TRPM3: variants seen among roughly 807,000 people sequenced by gnomAD.
TRPM3 encodes the protein long transient receptor potential channel 3.
TRPM3 carries 77 observed loss-of-function variants against 181.2 expected under a neutral mutation model. The observed-to-expected ratio is 0.42, with a 90% confidence interval of 0.35 to 0.51. TRPM3 has a LOEUF of 0.51. TRPM3 is among the 20% of genes least tolerant of loss of function. The pLI is 0.01. For missense variants in TRPM3, 1,759 were observed against 2,196.7 expected (o/e 0.80, Z 3.98); for synonymous variants, 745 against 796.4 (o/e 0.94, Z 1.09).
chr9:71,308,105 G>A (rs1171619155), intron 1 of TRPM3, among the ~76,000 whole-genome samples: 1 of 151,552 alleles, frequency 6.6e-6, no homozygotes, highest in Non-Finnish European at 1.5e-5. Context: ...CAAGCAGCTG[G>A]GATTACAGGC....
intron 6 of TRPM3, among the ~76,000 whole-genome samples, chr9:70,787,190 C>T (rs932885697): frequency 2.6e-5 from 4 of 152,040 alleles, no homozygotes; most frequent in African/African-American, 9.7e-5. Flanking sequence ...TAATGATTTC[C>T]TATATTTGAA....
chr9:70,893,981 C>T (rs1165508653), intron 1 of TRPM3, among the ~76,000 whole-genome samples: 1 of 152,190 alleles, frequency 6.6e-6, no homozygotes, highest in Non-Finnish European at 1.5e-5. Flanking sequence ...TAAGGATTTA[C>T]TCCACATATG....
At chr9:70,792,723 C>T (rs190086158) in intron 6 of TRPM3, among the ~76,000 whole-genome samples, 75 of 151,638 alleles carry the variant, frequency 4.9e-4, no homozygotes, top group African/African-American at 1.7e-3. Context: ...CTTTTCAGGC[C>T]TATTTATAGT....
Position 71,347,879 on chromosome 9 carries a change from T to C in TRPM3, c.183+98774A>G, listed in dbSNP as rs566109541. Among the ~76,000 whole-genome samples the C allele has an allele frequency of 2.6e-4, 39 of 152,256 alleles. No homozygotes were observed. In the East Asian group the frequency reaches 6.6e-3, roughly 26 times the overall value. ...TAACACCTTACATTTAAAGATGTTA[T>C]TGATTGCTTATTTCTTGAAAAGTTG... On this transcript the variant is annotated intron_variant, in intron 1 of 24. Transcript: ENST00000357533.
chr9:70,872,608 G>T (rs2095807070), intron 1 of TRPM3, among the ~76,000 whole-genome samples: 1 of 151,838 alleles, frequency 6.6e-6, no homozygotes, highest in South Asian at 2.1e-4. Context: ...ACCTGCCATT[G>T]TGCTGTGTCT....
At chr9:71,167,809 A>T (rs1185013984) in intron 1 of TRPM3, among the ~76,000 whole-genome samples, 1 of 152,206 alleles carries the variant, frequency 6.6e-6, no homozygotes, top group African/African-American at 2.4e-5. Flanking sequence ...ATTTAAAAAA[A>T]ATCCAGCAGC....
chr9:71,247,553 G>C (rs1417491837), intron 1 of TRPM3, among the ~76,000 whole-genome samples: 1 of 151,906 alleles, frequency 6.6e-6, no homozygotes, highest in Non-Finnish European at 1.5e-5. Context: ...ATACCAGGGG[G>C]GAATTTGCAC....
At chr9:71,414,589 C>T (rs2093609461) in intron 1 of TRPM3, among the ~76,000 whole-genome samples, 4 of 151,972 alleles carry the variant, frequency 2.6e-5, no homozygotes, top group Non-Finnish European at 5.9e-5. Flanking sequence ...CAGTGGTTAA[C>T]AATAGGACTG....
At chr9:70,906,232 G>A (rs1016740348) in intron 1 of TRPM3, among the ~76,000 whole-genome samples, 1 of 151,646 alleles carries the variant, frequency 6.6e-6, no homozygotes, top group Non-Finnish European at 1.5e-5. Flanking sequence ...AAAAAAAAAA[G>A]AATTCTAGGT....
chr9:70,802,035 G>C (rs528582765), intron 6 of TRPM3, among the ~76,000 whole-genome samples: 13 of 152,234 alleles, frequency 8.5e-5, no homozygotes, highest in Non-Finnish European at 1.9e-4. Flanking sequence ...AGCAGGTCTA[G>C]AATAAGACCT....
At chr9:71,295,464 G>A (rs1224459082) in intron 1 of TRPM3, among the ~76,000 whole-genome samples, 22 of 150,074 alleles carry the variant, frequency 1.5e-4, no homozygotes, top group African/African-American at 5.4e-4. Context: ...AATCTATTTT[G>A]GCTTCCTTTT....
At chr9:71,355,891 G>GA (rs796701092) in intron 1 of TRPM3, among the ~76,000 whole-genome samples, 33 of 148,520 alleles carry the variant, frequency 2.2e-4, no homozygotes, top group Admixed American at 4.0e-4. Context: ...ATAATATTTT[G>GA]AAAAAAAAAT....
chr9:70,850,702 T>C (rs10780974), intron 3 of TRPM3, among the ~76,000 whole-genome samples: 55,723 of 152,034 alleles, frequency 0.37, 10,605 homozygotes, highest in Non-Finnish European at 0.39. Flanking sequence ...TTGGGTGTTC[T>C]GCTGAATTGA....
At chr9:70,822,161 C>T (rs118134994) in intron 6 of TRPM3, among the ~76,000 whole-genome samples, 53 of 152,316 alleles carry the variant, frequency 3.5e-4, no homozygotes, top group African/African-American at 8.7e-4. Context: ...CATCTGTGCC[C>T]GTAATTCTCT....
At chr9:70,958,919 C>T (rs1435564957) in intron 1 of TRPM3, among the ~76,000 whole-genome samples, 1 of 150,318 alleles carries the variant, frequency 6.7e-6, no homozygotes, top group Non-Finnish European at 1.5e-5. Context: ...AAACCAAACA[C>T]TGCATGTTCT....
chr9:71,349,496 C>T (rs950662076), intron 1 of TRPM3, among the ~76,000 whole-genome samples: 3 of 152,162 alleles, frequency 2.0e-5, no homozygotes, highest in African/African-American at 4.8e-5. Context: ...TTCAGCATAA[C>T]GTTCAGTAAA....
In TRPM3 at chr9:71,349,572, C is replaced by T. The variant is rs1156685429; in HGVS notation, c.183+97081G>A. Among the ~76,000 whole-genome samples the T allele has an allele frequency of 2.0e-5, 3 of 152,110 alleles. No individual in the cohort carries two copies. The East Asian group carries it at 5.8e-4, about 29-fold the overall frequency. On this transcript the variant is annotated intron_variant, in intron 1 of 24. Coordinates refer to the TRPM3 transcript ENST00000357533. ...CCCAAGATATTTTATAATATTTTAA[C>T]GGTGTACGTTTGCCAAAACCAAAAC...
chr9:70,644,245 G>A (rs2058483533), intron 9 of TRPM3, among the ~76,000 whole-genome samples: 1 of 152,200 alleles, frequency 6.6e-6, no homozygotes. Context: ...TCAGATTGTA[G>A]AAGTGCTGTG....
At chr9:70,909,304 C>T (rs1272760199) in intron 1 of TRPM3, among the ~76,000 whole-genome samples, 2 of 152,178 alleles carry the variant, frequency 1.3e-5, no homozygotes, top group African/African-American at 4.8e-5. Flanking sequence ...AAGTACTCCA[C>T]ATAGGACCTT....
Sources: gnomAD v4.1 joint callset for allele counts (sites outside exome capture counted in the v4.1 genomes callset) on GRCh38, gnomAD v4.1.1 for gene constraint, MANE v1.5 for transcripts, NCBI Gene and HGNC (gene_info 2026-07-23, HGNC 2026-07-21) for gene names.